The following DNAH9 variants were observed in gnomAD, a reference collection of about 807,000 sequenced individuals.
DNAH9 encodes DNAH9 variant protein.
In DNAH9, 345 loss-of-function variants were observed where a neutral mutation model predicts 471.6. The ratio of observed to expected loss-of-function variants is 0.73; its 90% CI spans 0.67 to 0.80. The LOEUF (loss-of-function observed/expected upper bound fraction) is 0.80. Ranked by LOEUF, DNAH9 falls within the 30% of genes least tolerant of loss-of-function variation. The pLI is 0.00. For missense variants in DNAH9, 5,407 were observed against 5,609.2 expected (o/e 0.96, Z 1.15); for synonymous variants, 2,093 against 2,123.6 (o/e 0.99, Z 0.40).
At position 11,947,291 on chromosome 17, in the gene DNAH9, TTC is replaced by T. The variant is rs1479533688; in HGVS notation, c.12843+4808_12843+4809del. On this transcript the variant is annotated intron_variant, in intron 67 of 68. Transcript: ENST00000262442. ...TACCAAATGCCCAATGGCCAATTTA[TTC>T]TGTTTCAATAACAACTAGGCATCAT... Among the ~76,000 whole-genome samples the T allele has an allele frequency of 3.3e-5, 5 of 152,350 alleles. No homozygotes were observed. In the South Asian group the frequency reaches 8.3e-4, roughly 25 times the overall value.
At chr17:11,598,994 GCCAGAGGGGGC>G in intron 1 of DNAH9, 79 bp downstream of exon 1, 2 of 929,098 alleles carry the variant, frequency 2.2e-6, no homozygotes, top group South Asian at 2.2e-5. Flanking sequence ...CGGAGGCGGG[GCCAGAGGGGGC>G]GGGGCGAAGC....
chr17:11,950,264 T>C (rs1327324435), intron 67 of DNAH9, among the ~76,000 whole-genome samples: 2 of 152,242 alleles, frequency 1.3e-5, no homozygotes, highest in African/African-American at 2.4e-5. Context: ...ATAGTTTACA[T>C]TGGGGTTCAT....
At chr17:11,663,355 G>A (rs1298607076) in intron 14 of DNAH9, among the ~76,000 whole-genome samples, 2 of 152,188 alleles carry the variant, frequency 1.3e-5, no homozygotes, top group African/African-American at 4.8e-5. Context: ...TGTCTTCTCT[G>A]CCTATCAGCA....
intron 9 of DNAH9, among the ~76,000 whole-genome samples, chr17:11,637,620 A>G (rs2073188233): frequency 6.6e-6 from 1 of 152,144 alleles, no homozygotes; most frequent in African/African-American, 2.4e-5. Flanking sequence ...AATAAGAAAG[A>G]AATAAAATAC....
chr17:11,930,183 G>T, intron 63 of DNAH9, 90 bp downstream of exon 63: 3 of 1,159,076 alleles, frequency 2.6e-6, no homozygotes, highest in South Asian at 2.9e-5. Context: ...ACTCAGAAGG[G>T]AGTCGGGTGC....
In DNAH9 at chr17:11,679,877, G is replaced by A. The variant is rs759728725; in HGVS notation, c.3474G>A (p.Arg1158=). Residue 1158 remains arginine (R), a synonymous_variant, in exon 18 of 69, where the codon CGG becomes CGA. Transcript: ENST00000262442. ...IMGHLMAVKE[R]QSNTDEMFEP... is the part of the protein sequence containing the mutation. ...GACACCTTATGGCTGTTAAAGAACG[G>A]CAGAGTAACACTGATGAGATGTTTG... The A allele has an allele frequency of 3.7e-6, 6 of 1,614,108 alleles. No individual in the cohort carries two copies. The highest frequency in any genetic ancestry group is 5.1e-6 in the Non-Finnish European group (6 of 1,179,996).
At chr17:11,612,197 T>A in intron 4 of DNAH9, 1 of 401,902 alleles carries the variant, frequency 2.5e-6, no homozygotes. Flanking sequence ...TTATGGAGCC[T>A]GTGTGACCAA....
intron 14 of DNAH9, among the ~76,000 whole-genome samples, chr17:11,656,551 C>T (rs1012946225): frequency 2.0e-5 from 3 of 152,134 alleles, no homozygotes; most frequent in Non-Finnish European, 1.5e-5. Context: ...ACTAACTCAT[C>T]CCACTGTTGG....
intron 17 of DNAH9, among the ~76,000 whole-genome samples, chr17:11,670,728 A>G (rs1036684109): frequency 2.4e-4 from 36 of 148,424 alleles, no homozygotes; most frequent in African/African-American, 8.9e-4. Flanking sequence ...TTTGAGATGC[A>G]GTTTTGCTCT....
chr17:11,809,947 C>T (rs1019831565), intron 44 of DNAH9, among the ~76,000 whole-genome samples: 1 of 152,058 alleles, frequency 6.6e-6, no homozygotes, highest in African/African-American at 2.4e-5. Flanking sequence ...AAGCTTTACC[C>T]TAAAGCCTAA....
chr17:11,707,934 T>C (rs562700548), intron 26 of DNAH9, among the ~76,000 whole-genome samples: 4 of 149,190 alleles, frequency 2.7e-5, no homozygotes, highest in African/African-American at 7.5e-5. Flanking sequence ...CCCTGACCAC[T>C]GTTTCTAAAA....
chr17:11,916,377 A>G (rs1027786476), intron 61 of DNAH9, among the ~76,000 whole-genome samples: 1 of 152,156 alleles, frequency 6.6e-6, no homozygotes, highest in Non-Finnish European at 1.5e-5. Flanking sequence ...CTGTTCATCA[A>G]CTAGAGATTA....
Position 11,632,693 on chromosome 17 carries a change from A to G in DNAH9, c.1625A>G (p.His542Arg). 2 of 1,582,302 alleles carry G rather than the reference A, an allele frequency of 1.3e-6. No individual in the cohort carries two copies. The highest frequency in any genetic ancestry group is 1.7e-6 in the Non-Finnish European group (2 of 1,151,036). ...QAFDDAPGLE[H>R]AFKLLDIAGN... ...TTTGATGATGCACCTGGCTTGGAGC[A>G]TGCCTTTAAGGTTTGTGTAAATGGG... The change falls in exon 8 of 69, where the codon CAT becomes CGT. Residue 542 changes from histidine (H) to arginine (R), a missense_variant. By Grantham distance (29) the His-to-Arg change is conservative. Around this residue, in one of 3 missense-constraint regions of DNAH9, gnomAD observed 767 missense variants for 692.5 expected, o/e 1.11. Transcript: ENST00000262442.
rs1390831398 is a variant in DNAH9 at position 11,690,362 on chromosome 17, G to C, written c.4540G>C (p.Glu1514Gln). 2 of 1,614,174 alleles carry C rather than the reference G, an allele frequency of 1.2e-6. No individual in the cohort carries two copies. The highest frequency in any genetic ancestry group is 1.7e-6 in the Non-Finnish European group (2 of 1,180,028). The change falls in exon 20 of 69, where the codon GAA becomes CAA. Residue 1514 changes from glutamate to glutamine, a missense_variant. Physicochemically the swap from Glu to Gln is conservative, Grantham distance 29. Transcript: ENST00000262442. ...GGACGCTGTCATCTCTATCTGGTTTGAAGTGCAGCGAACATGGACTCACCT... is the reference window on the plus strand; with the variant it reads ...GGACGCTGTCATCTCTATCTGGTTTCAAGTGCAGCGAACATGGACTCACCT... ...TVDAVISIWF[E>Q]VQRTWTHLES...
intron 33 of DNAH9, 45 bp from the exon 34 acceptor site, chr17:11,756,523 A>T (rs1270328228): frequency 8.9e-7 from 1 of 1,117,780 alleles, no homozygotes. Context: ...CTGGCAAGGC[A>T]CCTCCCTCCT....
chr17:11,909,638 C>T (rs940720247), intron 61 of DNAH9, among the ~76,000 whole-genome samples: 3 of 152,140 alleles, frequency 2.0e-5, no homozygotes, highest in African/African-American at 7.2e-5. Context: ...GCATTTGCCC[C>T]TCCATGACAT....
At chr17:11,926,234 AG>A (rs1447498913) in intron 62 of DNAH9, among the ~76,000 whole-genome samples, 2 of 152,044 alleles carry the variant, frequency 1.3e-5, no homozygotes, top group African/African-American at 4.8e-5. Context: ...CGTTGAACAC[AG>A]GCCTTCTTTT....
At chr17:11,781,833 A>AAAC in intron 39 of DNAH9, among the ~76,000 whole-genome samples, 1 of 139,242 alleles carries the variant, frequency 7.2e-6, no homozygotes, top group Non-Finnish European at 1.5e-5. Context: ...CTCCATCTTA[A>AAAC]AAAAAAAAAA....
chr17:11,917,346 G>A (rs996375493), intron 61 of DNAH9, among the ~76,000 whole-genome samples: 1 of 151,986 alleles, frequency 6.6e-6, no homozygotes, highest in African/African-American at 2.4e-5. Context: ...TAGTAGAGAT[G>A]GGGTTTCACC....
Sources: allele counts gnomAD v4.1 joint callset (sites outside exome capture counted in the v4.1 genomes callset), GRCh38; gene constraint gnomAD v4.1.1; regional missense constraint gnomAD v4.1.1; transcripts MANE v1.5; gene names NCBI Gene and HGNC (gene_info 2026-07-23, HGNC 2026-07-21).